The following DPYSL3 variants were observed in gnomAD, a reference collection of about 807,000 sequenced individuals.
DPYSL3 encodes the protein dihydropyrimidinase like 3, also known as dihydropyrimidinase-related protein 3.
DPYSL3 carries 16 observed loss-of-function variants against 66.1 expected under a neutral mutation model. That is an observed-to-expected ratio of 0.24 (90% CI 0.16 to 0.37). DPYSL3 has a LOEUF of 0.37. DPYSL3 is among the 10% of genes least tolerant of loss of function. The pLI, the probability that DPYSL3 is intolerant of heterozygous loss-of-function variation, is 1.00. For missense variants in DPYSL3, 738 were observed against 916.2 expected, an observed-to-expected ratio of 0.81 and a Z score of 2.51; for synonymous variants, 338 against 345.1, an observed-to-expected ratio of 0.98 and a Z score of 0.23.
Position 147,393,238 on chromosome 5 carries a change from G to A in DPYSL3, c.*797C>T, listed in dbSNP as rs1757866515. 1 of 152,418 alleles carries A rather than the reference G, an allele frequency of 6.6e-6. No homozygotes were observed. The highest frequency in any genetic ancestry group is 1.5e-5 in the Non-Finnish European group (1 of 68,144). The allele number at this position is 152,418 out of a possible 1,614,324, so 9.4% of individuals were successfully genotyped here. The stretch of plus-strand genomic sequence containing the variant: ...TAAGAGCACCAAAGAGGCAGGGAGG[G>A]CAAGAGGAAGAGAAGTGTCATTTGC... On this transcript the variant is annotated 3_prime_UTR_variant, in exon 14 of 14. Coordinates refer to ENST00000343218, the MANE Select transcript of DPYSL3 (RefSeq NM_001197294.2).
chr5:147,480,236 T>C (rs560920422), intron 1 of DPYSL3, among the ~76,000 whole-genome samples: 3 of 152,312 alleles, frequency 2.0e-5, no homozygotes, highest in South Asian at 2.1e-4. Context: ...CTCCAGCTTC[T>C]TTTTGCGCTG....
intron 1 of DPYSL3, among the ~76,000 whole-genome samples, chr5:147,459,264 C>T (rs2126407875): frequency 6.6e-6 from 1 of 152,140 alleles, no homozygotes; most frequent in African/African-American, 2.4e-5. Flanking sequence ...TATGAGAAAA[C>T]ATTTGCCCCT....
chr5:147,453,748 G>C (rs1308795389), intron 1 of DPYSL3: 4 of 1,299,068 alleles, frequency 3.1e-6, no homozygotes, highest in African/African-American at 1.6e-5. Context: ...CCGGGCTCCC[G>C]CGGCGGCTGC....
At chr5:147,423,697 TTTTG>T (rs143844309) in intron 2 of DPYSL3, among the ~76,000 whole-genome samples, 117,036 of 150,376 alleles carry the variant, frequency 0.78, 46,697 homozygotes, top group East Asian at 0.99. Flanking sequence ...CACAAGCTGG[TTTTG>T]TTTGTTTGTT....
rs572992465 is a variant in DPYSL3, at chr5:147,469,021, G to T, written c.381+40457C>A. On this transcript the variant is annotated intron_variant, in intron 1 of 13. Coordinates refer to ENST00000343218, the MANE Select transcript of DPYSL3 (RefSeq NM_001197294.2). ...TTTCCACGACAACACCAATAAAACAGAAGAATATCCGAGGCAGCCAATCAG... is the reference window on the plus strand; with the variant it reads ...TTTCCACGACAACACCAATAAAACATAAGAATATCCGAGGCAGCCAATCAG... Among the ~76,000 whole-genome samples the T allele has an allele frequency of 6.6e-5, 10 of 152,282 alleles. No homozygotes were observed. In the East Asian group the frequency reaches 1.9e-3, roughly 29 times the overall value.
intron 1 of DPYSL3, chr5:147,453,758 C>A: frequency 7.6e-7 from 1 of 1,316,634 alleles, no homozygotes; most frequent in Non-Finnish European, 9.7e-7. Context: ...GCGGCGGCTG[C>A]CAGAGACAAT....
At chr5:147,422,054 T>A (rs931014253) in intron 2 of DPYSL3, among the ~76,000 whole-genome samples, 2 of 152,004 alleles carry the variant, frequency 1.3e-5, no homozygotes, top group African/African-American at 4.8e-5. Context: ...AAAGAAACTA[T>A]CATCAGAGTG....
chr5:147,424,212 C>G (rs1434401351), intron 2 of DPYSL3, among the ~76,000 whole-genome samples: 2 of 152,084 alleles, frequency 1.3e-5, no homozygotes, highest in African/African-American at 4.8e-5. Flanking sequence ...CTAAAAGAGG[C>G]CAGACAGGGC....
At chr5:147,459,042 T>A (rs1294222241) in intron 1 of DPYSL3, among the ~76,000 whole-genome samples, 1 of 151,894 alleles carries the variant, frequency 6.6e-6, no homozygotes, top group East Asian at 1.9e-4. Context: ...TATTTATCTT[T>A]ATAGCCCCCA....
intron 1 of DPYSL3, among the ~76,000 whole-genome samples, chr5:147,496,058 C>A (rs538898925): frequency 1.3e-5 from 2 of 152,046 alleles, no homozygotes; most frequent in Non-Finnish European, 2.9e-5. Context: ...GAGATATAGA[C>A]CAATGGAACA....
At chr5:147,483,989 A>C (rs772136020) in intron 1 of DPYSL3, among the ~76,000 whole-genome samples, 2 of 152,308 alleles carry the variant, frequency 1.3e-5, no homozygotes, top group Admixed American at 6.5e-5. Flanking sequence ...CTTTGAACAC[A>C]CAAGAGTTGA....
At chr5:147,415,672 G>A in intron 4 of DPYSL3, 37 bp downstream of exon 4, 2 of 1,601,716 alleles carry the variant, frequency 1.2e-6, no homozygotes. Flanking sequence ...GCAAGAAGAA[G>A]CTAAGAGAGG....
intron 1 of DPYSL3, among the ~76,000 whole-genome samples, chr5:147,440,621 G>C (rs897205184): frequency 6.6e-6 from 1 of 152,184 alleles, no homozygotes; most frequent in Non-Finnish European, 1.5e-5. Flanking sequence ...GTGCAGCCAT[G>C]GGGAAGACTG....
chr5:147,486,012 T>C (rs577890868), intron 1 of DPYSL3, among the ~76,000 whole-genome samples: 3 of 152,176 alleles, frequency 2.0e-5, no homozygotes, highest in African/African-American at 7.2e-5. Context: ...TGGAATACTA[T>C]GCAGCCATAA....
intron 1 of DPYSL3, among the ~76,000 whole-genome samples, chr5:147,470,250 A>G (rs995508109): frequency 2.0e-5 from 3 of 152,096 alleles, no homozygotes; most frequent in African/African-American, 7.2e-5. Context: ...AGCACTCCCT[A>G]ATAAGCCTTC....
At chr5:147,490,890 C>A (rs1040369974) in intron 1 of DPYSL3, among the ~76,000 whole-genome samples, 26 of 152,142 alleles carry the variant, frequency 1.7e-4, no homozygotes, top group African/African-American at 6.0e-4. Flanking sequence ...GGTGGTGCGG[C>A]AGGAGCATGT....
chr5:147,434,542 A>G (rs1468623167), intron 1 of DPYSL3, among the ~76,000 whole-genome samples: 2 of 152,214 alleles, frequency 1.3e-5, no homozygotes, highest in African/African-American at 4.8e-5. Context: ...CTAAGGGTAA[A>G]CGAGTTTAAT....
chr5:147,429,189 A>G (rs952633463), intron 1 of DPYSL3, among the ~76,000 whole-genome samples: 1 of 152,172 alleles, frequency 6.6e-6, no homozygotes, highest in East Asian at 1.9e-4. Flanking sequence ...CTGGAACCCA[A>G]AATGAACGTA....
chr5:147,414,687 G>A (rs1223326723), intron 4 of DPYSL3, among the ~76,000 whole-genome samples: 11 of 152,266 alleles, frequency 7.2e-5, no homozygotes, highest in Admixed American at 2.6e-4. Context: ...CAGTATAAAC[G>A]CAAATACAGA....
Sources: allele counts gnomAD v4.1 joint callset (sites outside exome capture counted in the v4.1 genomes callset), GRCh38; gene constraint gnomAD v4.1.1; transcripts MANE v1.5; gene names NCBI Gene and HGNC (gene_info 2026-07-23, HGNC 2026-07-21).